Variants in FAM20A observed in about 807,000 individuals in gnomAD.
The protein encoded by FAM20A is FAM20A golgi associated secretory pathway pseudokinase.
In FAM20A, 42 loss-of-function variants were observed where a neutral mutation model predicts 52.0. The ratio of observed to expected loss-of-function variants is 0.81; its 90% confidence interval spans 0.63 to 1.04. The LOEUF is 1.04. Among genes scored for constraint, FAM20A ranks in the 50% least tolerant of loss-of-function variants. The pLI, the probability that FAM20A is intolerant of heterozygous loss-of-function variation, is 0.00. For missense variants in FAM20A, 742 were observed against 712.7 expected (o/e 1.04, Z -0.47); for synonymous variants, 304 against 298.9 (o/e 1.02, Z -0.18).
chr17:68,541,135 T>A, intron 7 of FAM20A, 177 bp from the exon 8 acceptor site: 1 of 852,560 alleles, frequency 1.2e-6, no homozygotes, highest in Non-Finnish European at 1.8e-6. Context: ...GCATATTCCG[T>A]GTGGTGAGAA....
intron 4 of FAM20A, among the ~76,000 whole-genome samples, chr17:68,545,086 G>A (rs1332933039): frequency 1.5e-4 from 23 of 152,070 alleles, no homozygotes; most frequent in Admixed American, 7.9e-4. Flanking sequence ...GAAAAAAATG[G>A]TGTTCGCCTT....
intron 4 of FAM20A, among the ~76,000 whole-genome samples, chr17:68,550,270 A>G (rs2086771745): frequency 6.6e-6 from 1 of 151,954 alleles, no homozygotes; most frequent in South Asian, 2.1e-4. Flanking sequence ...CAATATAAAT[A>G]TAAGCAGACA....
chr17:68,535,167 C>G lies in FAM20A; in HGVS notation c.*2310G>C, dbSNP rs543433987. ...TGGGAGGTAAACAGTTCAAAATGAA[C>G]ATGCTGGAAGAACTCGAGTAAGAAT... On this transcript the variant is annotated 3_prime_UTR_variant, in exon 11 of 11. Coordinates refer to ENST00000592554, the MANE Select transcript of FAM20A (RefSeq NM_017565.4). The G allele has an allele frequency of 2.4e-6, 1 of 414,072 alleles. No individual in the cohort carries two copies. The highest frequency in any genetic ancestry group is 7.1e-5 in the East Asian group (1 of 14,090). 25.6% of individuals were successfully genotyped at this position (414,072 alleles called of 1,614,324 possible). A position where few individuals can be genotyped will look rare whatever the true frequency, so the allele number is the denominator to read the frequency against.
At chr17:68,539,013 A>G (rs1170885213) in intron 10 of FAM20A, among the ~76,000 whole-genome samples, 6 of 152,204 alleles carry the variant, frequency 3.9e-5, no homozygotes, top group Admixed American at 3.3e-4. Context: ...CTTAGGCTAT[A>G]TGATAACTGC....
At chr17:68,552,269 G>C (rs1258244633) in intron 3 of FAM20A, among the ~76,000 whole-genome samples, 1 of 152,100 alleles carries the variant, frequency 6.6e-6, no homozygotes, top group Non-Finnish European at 1.5e-5. Flanking sequence ...TTTTCTGCTG[G>C]TATGGGAAAA....
chr17:68,541,989 CT>C lies in FAM20A; in HGVS notation c.1104del (p.Glu369ArgfsTer13). On this transcript the variant is annotated frameshift_variant, in exon 7 of 11. Transcript: ENST00000592554. LOFTEE classifies it high-confidence loss of function. ...GTGGCCTGGGGACCAACTCACTCCT[CT>C]TTTCCTGCCAGTGTGTAGGAGCGGA... is the stretch of plus-strand genomic sequence containing the variant. ...PWIRSYTLAG[K>X]EEWEVNPLYC... 1 of 1,613,266 alleles carries C rather than the reference CT, an allele frequency of 6.2e-7. No homozygotes were observed. The highest frequency in any genetic ancestry group is 8.5e-7 in the Non-Finnish European group (1 of 1,179,488).
rs920519543 is a variant in FAM20A at position 68,555,834 on chromosome 17, T to C, written c.405-91A>G. On this transcript the variant is annotated intron_variant, in intron 1 of 10. Coordinates refer to ENST00000592554, the MANE Select transcript of FAM20A (RefSeq NM_017565.4). ...CTGCAGTTTTTTATTCATCCTTTCATTTATTCCACAAGTGTATTAAGCATC... is the reference window on the plus strand; with the variant it reads ...CTGCAGTTTTTTATTCATCCTTTCACTTATTCCACAAGTGTATTAAGCATC... 4.2e-6 allele frequency: 6 copies of C among 1,413,012 alleles called. No individual in the cohort carries two copies. In the African/African-American group the frequency reaches 8.4e-5, roughly 20 times the overall value. The allele number at this position is 1,413,012 out of a possible 1,614,324, so 87.5% of individuals were successfully genotyped here.
chr17:68,591,170 G>C (rs531028146), intron 1 of FAM20A, among the ~76,000 whole-genome samples: 1 of 152,076 alleles, frequency 6.6e-6, no homozygotes, highest in African/African-American at 2.4e-5. Flanking sequence ...GCAGTGGCGC[G>C]ATCTCGGCTA....
rs190854136 is a variant in FAM20A at position 68,573,804 on chromosome 17, G to A, written c.405-18061C>T. On this transcript the variant is annotated intron_variant, in intron 1 of 10. Transcript: ENST00000592554. ...AGTGATTCAGCCTCCCAAGTAGCTG[G>A]GAATACAGGTGCCAGCCACCATGCC... Among the ~76,000 whole-genome samples the A allele has an allele frequency of 3.9e-5, 6 of 152,012 alleles. No individual in the cohort carries two copies. The East Asian group carries it at 1.2e-3, about 29-fold the overall frequency.
chr17:68,540,794 C>G, intron 8 of FAM20A, 55 bp downstream of exon 8: 1 of 1,554,342 alleles, frequency 6.4e-7, no homozygotes. Flanking sequence ...TCACGGGGAA[C>G]CCTAGCCACA....
intron 1 of FAM20A, among the ~76,000 whole-genome samples, chr17:68,575,872 C>A (rs2087753624): frequency 1.4e-5 from 2 of 145,000 alleles, no homozygotes; most frequent in Admixed American, 1.4e-4. Context: ...CCGGGCAGGG[C>A]GTGATGTTTA....
At chr17:68,549,833 A>G (rs911277956) in intron 4 of FAM20A, among the ~76,000 whole-genome samples, 2 of 152,142 alleles carry the variant, frequency 1.3e-5, no homozygotes, top group South Asian at 2.1e-4. Context: ...TGCCATGTGT[A>G]TTTGCTGTTA....
At position 68,601,197 on chromosome 17, in the gene FAM20A, G is replaced by C. The variant is rs1439609265; in HGVS notation, c.-531C>G. 1 of 152,496 alleles carries C rather than the reference G, an allele frequency of 6.6e-6. No individual in the cohort carries two copies. Among genetic ancestry groups the C allele is most frequent in the Non-Finnish European group, 1.5e-5 (1 of 68,348 alleles). 9.4% of individuals were successfully genotyped at this position (152,496 alleles called of 1,614,324 possible). ...AGACGCCAGTGCCGGCGGCTGGCAC[G>C]GGCGGCGCGAGTGGGGAGTTGGCGA... On this transcript the variant is annotated 5_prime_UTR_variant, in exon 1 of 11. Coordinates refer to ENST00000592554, the MANE Select transcript of FAM20A (RefSeq NM_017565.4).
chr17:68,573,467 C>T (rs1054383324), intron 1 of FAM20A, among the ~76,000 whole-genome samples: 4 of 149,996 alleles, frequency 2.7e-5, no homozygotes, highest in African/African-American at 9.8e-5. Context: ...TTCTTTCTTT[C>T]TTTCTTTCTC....
intron 1 of FAM20A, among the ~76,000 whole-genome samples, chr17:68,571,260 GAGGGCA>G (rs369599073): frequency 6.6e-6 from 1 of 152,334 alleles, no homozygotes; most frequent in Non-Finnish European, 1.5e-5. Flanking sequence ...TAAGTTTCCT[GAGGGCA>G]AGGATCTACC....
In FAM20A at chr17:68,566,307, C is replaced by T. The variant is rs558696278; in HGVS notation, c.405-10564G>A. Reference sequence around the variant, plus strand: ...CAATGTCTTACTCAACTTTGTGCCTCGTCCAAAACTTAGCACAGCACCTTG... The same window carrying T: ...CAATGTCTTACTCAACTTTGTGCCTTGTCCAAAACTTAGCACAGCACCTTG... On this transcript the variant is annotated intron_variant, in intron 1 of 10. Coordinates refer to ENST00000592554, the MANE Select transcript of FAM20A (RefSeq NM_017565.4). Among the ~76,000 whole-genome samples the T allele has an allele frequency of 4.6e-5, 7 of 152,288 alleles. No individual in the cohort carries two copies. In the East Asian group the frequency reaches 5.8e-4, roughly 13 times the overall value.
chr17:68,576,047 T>C (rs1412141399), intron 1 of FAM20A, among the ~76,000 whole-genome samples: 11 of 152,030 alleles, frequency 7.2e-5, no homozygotes. Flanking sequence ...GCTGAGCCCT[T>C]TAAATGGGTC....
intron 1 of FAM20A, among the ~76,000 whole-genome samples, chr17:68,576,685 A>G (rs1299500269): frequency 2.0e-5 from 3 of 152,212 alleles, no homozygotes; most frequent in Admixed American, 6.5e-5. Flanking sequence ...GTAGTTGGGG[A>G]CCTAGGGACA....
chr17:68,586,230 A>C (rs1301484344), intron 1 of FAM20A, among the ~76,000 whole-genome samples: 1 of 152,132 alleles, frequency 6.6e-6, no homozygotes, highest in Non-Finnish European at 1.5e-5. Flanking sequence ...TAAAAGATTA[A>C]CTCTTGGATA....
Sources: allele counts gnomAD v4.1 joint callset (sites outside exome capture counted in the v4.1 genomes callset), GRCh38; gene constraint gnomAD v4.1.1; transcripts MANE v1.5; gene names NCBI Gene and HGNC (gene_info 2026-07-23, HGNC 2026-07-21).